The following CTNNA2 variants were observed in gnomAD, a reference collection of about 807,000 sequenced individuals.
CTNNA2 encodes the protein catenin alpha 2.
A neutral mutation model predicts 101.0 loss-of-function variants in CTNNA2; 42 were observed. The observed-to-expected ratio is 0.42, with a 90% CI of 0.32 to 0.54. CTNNA2 has a LOEUF of 0.54. Ranked by LOEUF, CTNNA2 falls within the 20% of genes least tolerant of loss-of-function variation. The pLI is 0.14. For synonymous variants in CTNNA2, 450 were observed against 456.4 expected, an observed-to-expected ratio of 0.99 and a Z score of 0.18; for missense variants, 871 against 1,223.1, an observed-to-expected ratio of 0.71 and a Z score of 4.29.
chr2:79,272,946 A>G (rs917327177), intron 2 of CTNNA2, among the ~76,000 whole-genome samples: 19 of 152,060 alleles, frequency 1.2e-4, no homozygotes, highest in African/African-American at 4.6e-4. Context: ...TTGGACAAAC[A>G]TTGGCTTAGA....
chr2:79,320,851 G>A (rs1676604758), intron 3 of CTNNA2, among the ~76,000 whole-genome samples: 1 of 152,116 alleles, frequency 6.6e-6, no homozygotes. Context: ...TTTGTTCTCT[G>A]GGAATAATAA....
At chr2:80,401,623 G>T (rs916264474) in intron 8 of CTNNA2, among the ~76,000 whole-genome samples, 1 of 151,990 alleles carries the variant, frequency 6.6e-6, no homozygotes, top group Non-Finnish European at 1.5e-5. Flanking sequence ...CTTTGTTTCT[G>T]ATAGATGGAA....
intron 9 of CTNNA2, among the ~76,000 whole-genome samples, chr2:80,421,924 T>C (rs1680560667): frequency 6.6e-6 from 1 of 152,066 alleles, no homozygotes; most frequent in East Asian, 1.9e-4. Flanking sequence ...TATGAAAAAG[T>C]CGGTTTGTAT....
chr2:80,131,144 A>G (rs889429548), intron 7 of CTNNA2, among the ~76,000 whole-genome samples: 1 of 152,090 alleles, frequency 6.6e-6, no homozygotes, highest in African/African-American at 2.4e-5. Flanking sequence ...TGTAACCTCC[A>G]CACCCCTGGG....
Position 79,490,372 on chromosome 2 carries a change from A to G in CTNNA2, c.-134-14682A>G, listed in dbSNP as rs544117148. ...GGGTCTCTGCTTCACCTCAGTAGCC[A>G]TCTGTCATTGGATGCTGCACATCCA... On this transcript the variant is annotated intron_variant, in intron 4 of 21. Coordinates refer to the CTNNA2 transcript ENST00000466387. Among the ~76,000 whole-genome samples the G allele has an allele frequency of 1.2e-4, 18 of 152,280 alleles. No individual in the cohort carries two copies. The South Asian group carries it at 3.7e-3, about 32-fold the overall frequency.
chr2:79,524,331 G>A (rs1438087863), intron 1 of CTNNA2, among the ~76,000 whole-genome samples: 1 of 151,596 alleles, frequency 6.6e-6, no homozygotes, highest in African/African-American at 2.4e-5. Context: ...TATTACCGTT[G>A]GGAAAGGGAT....
At position 80,036,848 on chromosome 2, in the gene CTNNA2, TGAGAGAGA is replaced by T. The variant is rs71965090; in HGVS notation, c.1056+127074_1056+127081del. Among the ~76,000 whole-genome samples, 509 of 120,322 alleles carry T rather than the reference TGAGAGAGA, an allele frequency of 4.2e-3. 4 individuals carry two copies. Among genetic ancestry groups the T allele is most frequent in the East Asian group, 0.018 (81 of 4,610 alleles). The allele number at this position is 120,322 out of a possible 152,430, so 78.9% of individuals were successfully genotyped here. ...TTGTGTGTGTGTGTGTGTGTGTGTG[TGAGAGAGA>T]GAGAGAGAGAGAGAGAGAGAGAAGA... On this transcript the variant is annotated intron_variant, in intron 7 of 18. Transcript: ENST00000402739.
chr2:79,637,275 A>G lies in CTNNA2; in HGVS notation c.-5-14277A>G, dbSNP rs147269691. ...AGAAAAGGGGTGAAATTGAGGATAC[A>G]GAAGAGAGAGTACAGTTGATGGAGT... On this transcript the variant is annotated intron_variant, in intron 1 of 18. Coordinates refer to ENST00000402739, the MANE Select transcript of CTNNA2 (RefSeq NM_001282597.3). Among the ~76,000 whole-genome samples the G allele has an allele frequency of 4.5e-3, 681 of 152,312 alleles. 13 individuals are homozygous for G. The highest frequency in any genetic ancestry group is 0.04 in the Admixed American group (614 of 15,298).
chr2:79,341,354 C>T (rs766968889), intron 3 of CTNNA2, among the ~76,000 whole-genome samples: 2 of 152,076 alleles, frequency 1.3e-5, no homozygotes, highest in Non-Finnish European at 2.9e-5. Flanking sequence ...TGTAAAATTC[C>T]CTAACTGCCC....
At chr2:80,012,624 G>C (rs1693869494) in intron 7 of CTNNA2, among the ~76,000 whole-genome samples, 1 of 152,206 alleles carries the variant, frequency 6.6e-6, no homozygotes, top group Non-Finnish European at 1.5e-5. Context: ...AAATGAATGA[G>C]CATAGCTATG....
intron 9 of CTNNA2, 38 bp downstream of exon 9, chr2:80,419,639 T>C (rs200944761): frequency 3.4e-5 from 54 of 1,608,332 alleles, no homozygotes; most frequent in Middle Eastern, 1.7e-4. Context: ...AGTTTACCGA[T>C]GGGTTCAATC....
At chr2:79,413,632 C>A (rs186908402) in intron 4 of CTNNA2, among the ~76,000 whole-genome samples, 12 of 151,932 alleles carry the variant, frequency 7.9e-5, no homozygotes, top group Admixed American at 3.3e-4. Context: ...TTTTGAGGAA[C>A]TGTCATACTG....
Position 80,479,452 on chromosome 2 carries a change from G to T in CTNNA2, c.1290+59851G>T, listed in dbSNP as rs1265272898. On this transcript the variant is annotated intron_variant, in intron 9 of 18. Coordinates refer to ENST00000402739, the MANE Select transcript of CTNNA2 (RefSeq NM_001282597.3). The stretch of plus-strand genomic sequence containing the variant: ...GACCTAAAATGTCAATAATTCCAAG[G>T]TTGACAAACCCTATGGGGAACAGTT... Among the ~76,000 whole-genome samples, 3 of 152,144 alleles carry T rather than the reference G, an allele frequency of 2.0e-5. No homozygotes were observed. The East Asian group carries it at 5.8e-4, about 29-fold the overall frequency.
chr2:79,497,966 T>A (rs1418330292), intron 4 of CTNNA2: 1 of 152,200 alleles, frequency 6.6e-6, no homozygotes. Flanking sequence ...ACAGTTCTAT[T>A]TTTGTTGTTT....
At chr2:79,769,918 A>G (rs1017024455) in intron 3 of CTNNA2, among the ~76,000 whole-genome samples, 1 of 152,184 alleles carries the variant, frequency 6.6e-6, no homozygotes, top group Non-Finnish European at 1.5e-5. Flanking sequence ...CCATTCACCA[A>G]ATGTGGCTAC....
intron 1 of CTNNA2, among the ~76,000 whole-genome samples, chr2:79,544,722 A>G (rs1209629931): frequency 6.6e-6 from 1 of 152,160 alleles, no homozygotes. Context: ...CACTTCTTAA[A>G]TTCTAGGAGT....
chr2:79,914,031 G>A (rs1001536710), intron 7 of CTNNA2, among the ~76,000 whole-genome samples: 1 of 150,772 alleles, frequency 6.6e-6, no homozygotes, highest in Non-Finnish European at 1.5e-5. Flanking sequence ...GCCGGGCGTA[G>A]TGGCGGGCGC....
chr2:80,015,239 A>T (rs1222816149), intron 7 of CTNNA2, among the ~76,000 whole-genome samples: 1 of 152,152 alleles, frequency 6.6e-6, no homozygotes, highest in East Asian at 1.9e-4. Flanking sequence ...TAATCACATA[A>T]TATCCCTTTT....
intron 1 of CTNNA2, among the ~76,000 whole-genome samples, chr2:79,640,898 G>C (rs1323465238): frequency 1.3e-5 from 2 of 152,150 alleles, no homozygotes; most frequent in African/African-American, 4.8e-5. Flanking sequence ...AGCCAGTTAA[G>C]AAAAATGTTA....
Sources: gnomAD v4.1 joint callset for allele counts (sites outside exome capture counted in the v4.1 genomes callset) on GRCh38, gnomAD v4.1.1 for gene constraint, MANE v1.5 for transcripts, NCBI Gene and HGNC (gene_info 2026-07-23, HGNC 2026-07-21) for gene names.